Variants in THSD7B observed in about 807,000 individuals in gnomAD.
THSD7B encodes the protein thrombospondin type-1 domain-containing protein 7B.
THSD7B carries 138 observed loss-of-function variants against 213.6 expected under a neutral mutation model. The observed-to-expected ratio is 0.65, with a 90% confidence interval of 0.56 to 0.74. The LOEUF (loss-of-function observed/expected upper bound fraction) is 0.74, where lower values mean the gene tolerates loss of function less well. Among genes scored for constraint, THSD7B ranks in the 30% least tolerant of loss-of-function variants. THSD7B has a pLI of 0.00. For synonymous variants in THSD7B, 742 were observed against 687.0 expected (o/e 1.08, Z -1.25); for missense variants, 1,931 against 1,991.5 (o/e 0.97, Z 0.58).
At chr2:136,864,751 C>A (rs1014024376) in intron 1 of THSD7B, among the ~76,000 whole-genome samples, 6 of 151,942 alleles carry the variant, frequency 3.9e-5, no homozygotes, top group South Asian at 2.1e-4. Context: ...ATGGGGTTTC[C>A]CCATGTTAGC....
chr2:137,565,342 T>C (rs1681213671), intron 16 of THSD7B, among the ~76,000 whole-genome samples: 1 of 152,122 alleles, frequency 6.6e-6, no homozygotes, highest in African/African-American at 2.4e-5. Context: ...TCCAAGGACA[T>C]GGCAGCAGCT....
At chr2:136,933,556 G>A (rs1183413983) in intron 2 of THSD7B, among the ~76,000 whole-genome samples, 2 of 152,100 alleles carry the variant, frequency 1.3e-5, no homozygotes, top group African/African-American at 2.4e-5. Flanking sequence ...TCCAACCTGG[G>A]TGACAGAGGG....
chr2:137,162,655 C>G (rs563089913), intron 6 of THSD7B, among the ~76,000 whole-genome samples: 2 of 152,124 alleles, frequency 1.3e-5, no homozygotes, highest in Non-Finnish European at 2.9e-5. Context: ...TATGGCAATT[C>G]AAAGAATGCT....
intron 15 of THSD7B, among the ~76,000 whole-genome samples, chr2:137,510,228 G>A (rs1679931424): frequency 6.6e-6 from 1 of 151,670 alleles, no homozygotes; most frequent in Admixed American, 6.6e-5. Flanking sequence ...AATTTTAATA[G>A]CCATTTTACC....
At chr2:137,514,779 A>G (rs189351021) in intron 15 of THSD7B, among the ~76,000 whole-genome samples, 1 of 152,220 alleles carries the variant, frequency 6.6e-6, no homozygotes, top group East Asian at 1.9e-4. Context: ...AAATAAATGC[A>G]TTTGACACTC....
intron 7 of THSD7B, among the ~76,000 whole-genome samples, chr2:137,193,111 G>A (rs532967236): frequency 2.0e-5 from 3 of 152,082 alleles, no homozygotes; most frequent in Non-Finnish European, 2.9e-5. Flanking sequence ...TCAGAGTCCA[G>A]CCAATCTCCC....
chr2:137,051,087 T>C (rs961914006), intron 2 of THSD7B, among the ~76,000 whole-genome samples: 1 of 152,182 alleles, frequency 6.6e-6, no homozygotes, highest in African/African-American at 2.4e-5. Context: ...GACTCTCAAC[T>C]TCTGGCTTGC....
intron 12 of THSD7B, among the ~76,000 whole-genome samples, chr2:137,314,482 T>C (rs145567393): frequency 0.056 from 8,527 of 152,222 alleles, 325 homozygotes; most frequent in East Asian, 0.1. Flanking sequence ...GTAATTTGAT[T>C]GTCTGAAGCC....
At chr2:137,219,162 T>C (rs1681312772) in intron 7 of THSD7B, among the ~76,000 whole-genome samples, 2 of 152,086 alleles carry the variant, frequency 1.3e-5, no homozygotes, top group South Asian at 4.1e-4. Context: ...AACTAGTCAT[T>C]AGACCCCTGC....
chr2:136,972,493 A>T (rs1194142556), intron 2 of THSD7B, among the ~76,000 whole-genome samples: 1 of 152,180 alleles, frequency 6.6e-6, no homozygotes, highest in African/African-American at 2.4e-5. Context: ...TTTGATAAAA[A>T]TGTTACATAG....
At chr2:136,930,059 G>GT (rs1684602134) in intron 2 of THSD7B, among the ~76,000 whole-genome samples, 1 of 152,188 alleles carries the variant, frequency 6.6e-6, no homozygotes. Context: ...GGTTATGTGT[G>GT]TTTTATGACC....
intron 2 of THSD7B, among the ~76,000 whole-genome samples, chr2:137,031,525 G>C (rs949795253): frequency 6.6e-6 from 1 of 152,142 alleles, no homozygotes; most frequent in African/African-American, 2.4e-5. Context: ...ACAAGCATAT[G>C]AAAGTTTTGT....
At chr2:136,837,802 G>A (rs1258205795) in intron 1 of THSD7B, among the ~76,000 whole-genome samples, 2 of 152,102 alleles carry the variant, frequency 1.3e-5, no homozygotes, top group African/African-American at 4.8e-5. Context: ...GATGGTTTAA[G>A]TCATTTCTTT....
chr2:136,773,129 C>G (rs555342234), intron 1 of THSD7B, among the ~76,000 whole-genome samples: 2 of 152,094 alleles, frequency 1.3e-5, no homozygotes, highest in East Asian at 3.9e-4. Context: ...TGGGAGTATT[C>G]AAGCAGAGTA....
chr2:137,119,058 G>T (rs1018359939), intron 5 of THSD7B, among the ~76,000 whole-genome samples: 2 of 152,108 alleles, frequency 1.3e-5, no homozygotes, highest in African/African-American at 4.8e-5. Flanking sequence ...AATTATGGGA[G>T]GTATAATTCA....
rs1215979618 is a variant in THSD7B, at chr2:137,482,684, G to GT, written c.3138+31673dup. Among the ~76,000 whole-genome samples the GT allele has an allele frequency of 3.7e-3, 499 of 135,298 alleles. 2 individuals are homozygous for GT. Among genetic ancestry groups the GT allele is most frequent in the African/African-American group, 8.7e-3 (277 of 31,994 alleles). 88.8% of individuals were successfully genotyped at this position (135,298 alleles called of 152,430 possible). A position where few individuals can be genotyped will look rare whatever the true frequency, so the allele number is the denominator to read the frequency against. On this transcript the variant is annotated intron_variant, in intron 15 of 27. Coordinates refer to ENST00000409968, the MANE Select transcript of THSD7B (RefSeq NM_001316349.2). ...GCTCAATAGCCACCTAAAGAAAACT[G>GT]TTTTTTTTTTTTCCCTTGGAGCCAC... is the stretch of plus-strand genomic sequence containing the variant.
intron 2 of THSD7B, among the ~76,000 whole-genome samples, chr2:136,912,073 G>A (rs1358404932): frequency 1.3e-5 from 2 of 152,066 alleles, no homozygotes; most frequent in Non-Finnish European, 2.9e-5. Context: ...AGCACTTTGG[G>A]AGGCCAAGGT....
intron 12 of THSD7B, among the ~76,000 whole-genome samples, chr2:137,375,867 A>G (rs1460203360): frequency 1.3e-5 from 2 of 152,212 alleles, no homozygotes; most frequent in African/African-American, 4.8e-5. Flanking sequence ...CTTTGTACAT[A>G]ACAGACGATA....
chr2:137,596,019 G>A (rs1184188447), intron 17 of THSD7B, among the ~76,000 whole-genome samples: 1 of 151,852 alleles, frequency 6.6e-6, no homozygotes, highest in East Asian at 1.9e-4. Flanking sequence ...AAAACAGAGA[G>A]CTATACAAAA....
Sources: gnomAD v4.1 joint callset for allele counts (sites outside exome capture counted in the v4.1 genomes callset) on GRCh38, gnomAD v4.1.1 for gene constraint, MANE v1.5 for transcripts, NCBI Gene and HGNC (gene_info 2026-07-23, HGNC 2026-07-21) for gene names.